BLTP3B: variants seen among roughly 807,000 people sequenced by gnomAD.
The protein encoded by BLTP3B is bridge-like lipid transfer protein family member 3B, also known as UHRF1 (ICBP90) binding protein 1-like.
At chr12:100,110,694 G>C in the BLTP3B span, among the ~76,000 whole-genome samples, 1 of 152,136 alleles carries the variant, frequency 6.6e-6, no homozygotes, top group East Asian at 1.9e-4. Flanking sequence ...TAAAGGAAGA[G>C]AAGTTAACTA....
chr12:100,052,846 T>C, the BLTP3B span, among the ~76,000 whole-genome samples: 2 of 145,486 alleles, frequency 1.4e-5, no homozygotes, highest in Non-Finnish European at 3.0e-5. Flanking sequence ...CAGGCTGGAG[T>C]GCAGTGGTGC....
the BLTP3B span, chr12:100,069,923 T>C: frequency 2.7e-6 from 3 of 1,098,476 alleles, no homozygotes; most frequent in Non-Finnish European, 1.1e-6. Context: ...TGTTCAATGA[T>C]ATATTTTATT....
At chr12:100,058,035 G>T in the BLTP3B span, 1 of 1,562,722 alleles carries the variant, frequency 6.4e-7, no homozygotes, top group African/African-American at 1.4e-5. Context: ...TTACCTTAAA[G>T]ATGACTGTGA....
At chr12:100,050,461 C>T in the BLTP3B span, 31 of 652,348 alleles carry the variant, frequency 4.8e-5, no homozygotes, top group Middle Eastern at 3.4e-4. Context: ...CTACAGAACA[C>T]GGTTGTTACA....
At chr12:100,043,225 T>C in the BLTP3B span, among the ~76,000 whole-genome samples, 82 of 152,392 alleles carry the variant, frequency 5.4e-4, 1 homozygote, top group African/African-American at 1.9e-3. Context: ...ATACTCACTT[T>C]ATTGTGGTGG....
chr12:100,067,875 CA>C, the BLTP3B span, among the ~76,000 whole-genome samples: 198 of 152,250 alleles, frequency 1.3e-3, no homozygotes, highest in African/African-American at 4.6e-3. Context: ...AAACACATCC[CA>C]ATGCTCATTG....
the BLTP3B span, among the ~76,000 whole-genome samples, chr12:100,111,277 A>ATTT: frequency 1.3e-4 from 12 of 94,766 alleles, no homozygotes; most frequent in South Asian, 3.7e-3. Flanking sequence ...GGGGTTTTAG[A>ATTT]TTTTTTTTTT....
the BLTP3B span, chr12:100,142,720 G>C: frequency 4.6e-6 from 7 of 1,532,180 alleles, no homozygotes; most frequent in Non-Finnish European, 6.1e-6. Flanking sequence ...GTCCCGGCTA[G>C]CCCGGCCGGC....
the BLTP3B span, among the ~76,000 whole-genome samples, chr12:100,106,437 C>T: frequency 1.3e-5 from 2 of 152,210 alleles, no homozygotes; most frequent in South Asian, 2.1e-4. Context: ...AAAAAAAGAG[C>T]AAAATAATGT....
At chr12:100,118,388 TCAAAACAAAA>T in the BLTP3B span, among the ~76,000 whole-genome samples, 9,492 of 151,808 alleles carry the variant, frequency 0.063, 325 homozygotes, top group Middle Eastern at 0.14. Flanking sequence ...TGAGACCGTC[TCAAAACAAAA>T]CAAAACAAAA....
the BLTP3B span, among the ~76,000 whole-genome samples, chr12:100,052,703 T>C: frequency 3.9e-5 from 6 of 152,112 alleles, no homozygotes; most frequent in Admixed American, 3.3e-4. Flanking sequence ...GATTTTAACT[T>C]AATAGCCTTA....
chr12:100,107,802 A>G, the BLTP3B span, among the ~76,000 whole-genome samples: 11 of 152,294 alleles, frequency 7.2e-5, 1 homozygote, highest in Admixed American at 2.0e-4. Context: ...TGGCACAATC[A>G]TGACTCACTG....
At chr12:100,046,740 G>C in the BLTP3B span, among the ~76,000 whole-genome samples, 3 of 151,900 alleles carry the variant, frequency 2.0e-5, no homozygotes, top group African/African-American at 7.3e-5. Flanking sequence ...ATAATAAAAA[G>C]GAAGTGTCAC....
At chr12:100,059,219 T>G in the BLTP3B span, 2 of 1,614,054 alleles carry the variant, frequency 1.2e-6, no homozygotes, top group Non-Finnish European at 8.5e-7. Context: ...CAGCAGAAGT[T>G]TTAAGAGTGT....
chr12:100,132,536 C>T, the BLTP3B span, among the ~76,000 whole-genome samples: 1 of 152,220 alleles, frequency 6.6e-6, no homozygotes, highest in South Asian at 2.1e-4. Context: ...CTTCCCCTTA[C>T]CTTCTCCACT....
the BLTP3B span, among the ~76,000 whole-genome samples, chr12:100,089,485 G>A: frequency 2.6e-5 from 4 of 152,038 alleles, no homozygotes; most frequent in East Asian, 3.9e-4. Context: ...ACTTGAACCC[G>A]GGAGACAGAG....
At chr12:100,133,140 G>T in the BLTP3B span, among the ~76,000 whole-genome samples, 2 of 152,086 alleles carry the variant, frequency 1.3e-5, no homozygotes, top group Non-Finnish European at 2.9e-5. Flanking sequence ...TACTCGGGAG[G>T]CTGAGGCAGG....
the BLTP3B span, chr12:100,103,975 T>A: frequency 2.5e-6 from 4 of 1,580,174 alleles, no homozygotes; most frequent in Non-Finnish European, 3.5e-6. Context: ...ATTTTTAATT[T>A]AAGATCAATC....
the BLTP3B span, among the ~76,000 whole-genome samples, chr12:100,141,562 C>G: frequency 6.6e-6 from 1 of 151,982 alleles, no homozygotes; most frequent in Middle Eastern, 3.4e-3. Flanking sequence ...ATTCTGTTCC[C>G]AATATATAAC....
Sources: gnomAD v4.1 joint callset for allele counts (sites outside exome capture counted in the v4.1 genomes callset) on GRCh38, gnomAD v4.1.1 for gene constraint, MANE v1.5 for transcripts, NCBI Gene and HGNC (gene_info 2026-07-23, HGNC 2026-07-21) for gene names.